The following PKD2 variants were observed in gnomAD, a reference collection of about 807,000 sequenced individuals.
PKD2 encodes the protein polycystin-2.
A neutral mutation model predicts 105.9 loss-of-function variants in PKD2; 48 were observed. That is an observed-to-expected ratio of 0.45 (90% CI 0.36 to 0.58). The LOEUF is 0.58. Ranked by LOEUF, PKD2 falls within the 20% of genes least tolerant of loss-of-function variation. PKD2 has a pLI of 0.00. For synonymous variants in PKD2, 464 were observed against 481.1 expected (o/e 0.96, Z 0.46); for missense variants, 1,078 against 1,255.3 (o/e 0.86, Z 2.13).
chr4:88,031,146 C>T (rs781604988), intron 2 of PKD2, among the ~76,000 whole-genome samples: 3 of 152,182 alleles, frequency 2.0e-5, no homozygotes, highest in Non-Finnish European at 4.4e-5. Flanking sequence ...TGAGGGTAAG[C>T]GACCAATACT....
At chr4:88,010,114 A>G (rs1726334642) in intron 1 of PKD2, among the ~76,000 whole-genome samples, 1 of 147,834 alleles carries the variant, frequency 6.8e-6, no homozygotes, top group Non-Finnish European at 1.5e-5. Context: ...TTTTTTTAAG[A>G]GTCGGGGTTT....
rs1158386864 is a variant in PKD2 at position 88,025,292 on chromosome 4, T to C, written c.709+5721T>C. On this transcript the variant is annotated intron_variant, in intron 2 of 14. Coordinates refer to ENST00000237596, the MANE Select transcript of PKD2 (RefSeq NM_000297.4). ...GGGCAACATAGCAAGACTTTGTCTC[T>C]ATTAAAAATTTTAAAATTAGCCAGG... Among the ~76,000 whole-genome samples the C allele has an allele frequency of 3.3e-5, 5 of 152,146 alleles. No individual in the cohort carries two copies. The East Asian group carries it at 7.7e-4, about 24-fold the overall frequency.
chr4:88,044,223 G>C (rs542726377), intron 5 of PKD2, among the ~76,000 whole-genome samples: 15 of 152,228 alleles, frequency 9.9e-5, no homozygotes, highest in African/African-American at 3.6e-4. Flanking sequence ...AAATAGTATA[G>C]TATATTAGAA....
chr4:88,075,732 G>A lies in PKD2; in HGVS notation c.*38G>A. 1 of 1,448,126 alleles carries A rather than the reference G, an allele frequency of 6.9e-7. No homozygotes were observed. Among genetic ancestry groups the A allele is most frequent in the African/African-American group, 1.4e-5 (1 of 71,764 alleles). 89.7% of individuals were successfully genotyped at this position (1,448,126 alleles called of 1,614,324 possible). A position where few individuals can be genotyped will look rare whatever the true frequency, so the allele number is the denominator to read the frequency against. On this transcript the variant is annotated 3_prime_UTR_variant, in exon 15 of 15. Coordinates refer to ENST00000237596, the MANE Select transcript of PKD2 (RefSeq NM_000297.4). ...AGTATGTGTGTTTCTAATAAGTGAG[G>A]AAGTGGCTGTCCTGAATTGCTGTAA...
chr4:88,023,685 G>A (rs548962952), intron 2 of PKD2, among the ~76,000 whole-genome samples: 30 of 152,284 alleles, frequency 2.0e-4, no homozygotes, highest in Non-Finnish European at 3.4e-4. Context: ...GGTAAAACAA[G>A]TATTTGGAAA....
At chr4:88,056,747 A>G (rs1306231302) in intron 8 of PKD2, among the ~76,000 whole-genome samples, 2 of 152,238 alleles carry the variant, frequency 1.3e-5, no homozygotes, top group African/African-American at 4.8e-5. Context: ...AAAACAACAA[A>G]AAGCAGCCAG....
intron 14 of PKD2, 100 bp from the exon 15 acceptor site, chr4:88,075,358 A>G: frequency 1.1e-6 from 1 of 917,840 alleles, no homozygotes; most frequent in Non-Finnish European, 1.8e-6. Flanking sequence ...TATATGCTGT[A>G]AATCTCCAGC....
chr4:88,038,533 A>G (rs762078958), intron 4 of PKD2, 32 bp downstream of exon 4: 1 of 1,608,868 alleles, frequency 6.2e-7, no homozygotes. Flanking sequence ...CCACTCGGTG[A>G]TATTCATTCA....
chr4:88,027,705 T>G (rs559467858), intron 2 of PKD2, among the ~76,000 whole-genome samples: 1 of 152,318 alleles, frequency 6.6e-6, no homozygotes, highest in South Asian at 2.1e-4. Context: ...TCTCCAATTG[T>G]AATCCCCATG....
At chr4:88,008,487 C>G (rs1578111958) in intron 1 of PKD2, among the ~76,000 whole-genome samples, 159 bp downstream of exon 1, 2 of 152,332 alleles carry the variant, frequency 1.3e-5, no homozygotes, top group South Asian at 4.1e-4. Flanking sequence ...TAGTGCTGCC[C>G]TATTTCCGGT....
intron 2 of PKD2, among the ~76,000 whole-genome samples, chr4:88,024,119 A>G (rs1361125194): frequency 6.6e-6 from 1 of 152,188 alleles, no homozygotes; most frequent in African/African-American, 2.4e-5. Flanking sequence ...TGTGTGAGTT[A>G]GGTGTTGAAG....
chr4:88,042,329 C>G (rs899229593), intron 4 of PKD2, among the ~76,000 whole-genome samples: 2 of 152,200 alleles, frequency 1.3e-5, no homozygotes, highest in African/African-American at 4.8e-5. Context: ...ACTTATAAAA[C>G]CATCAGATCT....
chr4:88,036,280 T>G lies in PKD2; in HGVS notation c.770T>G (p.Phe257Cys). ...YYYTRMMSQL[F>C]LDTPVSKTEK... ...TACACCCGGATGATGTCACAGCTCT[T>G]CCTAGACACCCCCGTGTCCAAAACG... is the stretch of plus-strand genomic sequence containing the variant. Residue 257 changes from phenylalanine (F) to cysteine (C), a missense_variant, in exon 3 of 15, where the codon TTC becomes TGC. Around this residue, in one of 2 missense-constraint regions of PKD2, gnomAD observed 868 missense variants for 1,067.3 expected, o/e 0.81. Transcript: ENST00000237596. The G allele has an allele frequency of 6.2e-7, 1 of 1,614,002 alleles. No individual in the cohort carries two copies. The highest frequency in any genetic ancestry group is 8.5e-7 in the Non-Finnish European group (1 of 1,179,874).
intron 2 of PKD2, among the ~76,000 whole-genome samples, chr4:88,022,010 GCCATGAGATT>G (rs1293790377): frequency 2.0e-5 from 3 of 152,154 alleles, no homozygotes; most frequent in African/African-American, 7.2e-5. Context: ...GGTGAGTGGG[GCCATGAGATT>G]CCTAAACCAG....
intron 6 of PKD2, among the ~76,000 whole-genome samples, chr4:88,047,502 A>G (rs921021769): frequency 6.6e-6 from 1 of 152,196 alleles, no homozygotes; most frequent in Non-Finnish European, 1.5e-5. Flanking sequence ...CTGAGGCTGC[A>G]GTGAGCTATA....
chr4:88,036,440 G>T, intron 3 of PKD2, 87 bp downstream of exon 3: 1 of 1,592,244 alleles, frequency 6.3e-7, no homozygotes, highest in South Asian at 1.1e-5. Flanking sequence ...GTATCGACAG[G>T]ACCTGCTTTG....
intron 9 of PKD2, among the ~76,000 whole-genome samples, chr4:88,060,679 G>C (rs1290942339): frequency 1.3e-5 from 2 of 152,120 alleles, no homozygotes; most frequent in Middle Eastern, 3.2e-3. Flanking sequence ...AAGTTGGTGG[G>C]GGGGAACCTG....
At position 88,013,770 on chromosome 4, in the gene PKD2, G is replaced by A. The variant is rs552126386; in HGVS notation, c.595+5442G>A. ...AGAGGTCAGAGAAGGTTTCCAGAGG[G>A]AGTAAAACTTGAGCTTCATTTTGAA... is the stretch of plus-strand genomic sequence containing the variant. On this transcript the variant is annotated intron_variant, in intron 1 of 14. Coordinates refer to ENST00000237596, the MANE Select transcript of PKD2 (RefSeq NM_000297.4). Among the ~76,000 whole-genome samples, 6 of 152,134 alleles carry A rather than the reference G, an allele frequency of 3.9e-5. No individual in the cohort carries two copies. In the East Asian group the frequency reaches 1.2e-3, roughly 29 times the overall value.
At chr4:88,047,826 C>T (rs1270480412) in intron 6 of PKD2, among the ~76,000 whole-genome samples, 1 of 151,888 alleles carries the variant, frequency 6.6e-6, no homozygotes, top group Non-Finnish European at 1.5e-5. Context: ...AGTGAGACCC[C>T]ATCTCTAAAA....
Sources: allele counts gnomAD v4.1 joint callset (sites outside exome capture counted in the v4.1 genomes callset), GRCh38; gene constraint gnomAD v4.1.1; regional missense constraint gnomAD v4.1.1; transcripts MANE v1.5; gene names NCBI Gene and HGNC (gene_info 2026-07-23, HGNC 2026-07-21).